Variants in PCSK7 observed in about 807,000 individuals in gnomAD.
PCSK7 encodes lymphoma proprotein convertase.
PCSK7 carries 38 observed loss-of-function variants against 73.3 expected under a neutral mutation model. The ratio of observed to expected loss-of-function variants is 0.52; its 90% CI spans 0.40 to 0.68. PCSK7 has a LOEUF of 0.68. Among genes scored for constraint, PCSK7 ranks in the 30% least tolerant of loss-of-function variants. The probability of loss-of-function intolerance (pLI) is 0.00; values close to 1 mark genes in which losing one functional copy is unlikely to be tolerated. For missense variants in PCSK7, 692 were observed against 991.5 expected, an observed-to-expected ratio of 0.70 and a Z score of 4.06; for synonymous variants, 296 against 383.8, an observed-to-expected ratio of 0.77 and a Z score of 2.68.
chr11:117,227,660 C>T (rs558594785), intron 4 of PCSK7, among the ~76,000 whole-genome samples: 3 of 152,314 alleles, frequency 2.0e-5, no homozygotes, highest in East Asian at 1.9e-4. Flanking sequence ...CCAGGCTGGT[C>T]TCAAACTCCT....
intron 2 of PCSK7, chr11:117,230,106 A>G (rs2032586623): frequency 2.3e-6 from 1 of 442,310 alleles, no homozygotes; most frequent in Non-Finnish European, 4.0e-6. Flanking sequence ...GCCAATCCTC[A>G]CGACACCAGC....
chr11:117,228,814 G>A (rs1036900939), intron 3 of PCSK7, among the ~76,000 whole-genome samples: 1 of 151,966 alleles, frequency 6.6e-6, no homozygotes, highest in East Asian at 1.9e-4. Context: ...TAGAGACAGG[G>A]TTTCACTGTG....
At chr11:117,217,353 G>C (rs531980232) in intron 12 of PCSK7, 26 of 152,364 alleles carry the variant, frequency 1.7e-4, no homozygotes, top group Middle Eastern at 3.4e-3. Flanking sequence ...TCTAAGACAC[G>C]CAAGTGCAAA....
chr11:117,226,166 C>G lies in PCSK7; in HGVS notation c.770-145G>C, dbSNP rs1373863318. ...CTTTTTTTTTTTTTTGAGATAAAGT[C>G]TTACTTGTCACCCAGACTGGAGTGC... On this transcript the variant is annotated intron_variant, in intron 5 of 16. Transcript: ENST00000320934. The G allele has an allele frequency of 8.1e-6, 5 of 615,922 alleles. No homozygotes were observed. The East Asian group carries it at 1.4e-4, about 17-fold the overall frequency. The allele number at this position is 615,922 out of a possible 1,614,324, so 38.2% of individuals were successfully genotyped here. A position where few individuals can be genotyped will look rare whatever the true frequency, so the allele number is the denominator to read the frequency against.
chr11:117,214,392 T>TCAAGGAGG (rs56030714), intron 12 of PCSK7: 42,853 of 151,642 alleles, frequency 0.28, 6,954 homozygotes, highest in African/African-American at 0.45. Flanking sequence ...AGCTGTACTG[T>TCAAGGAGG]CAAGGAGGAT....
intron 12 of PCSK7, chr11:117,210,179 T>C (rs1332962616): frequency 1.3e-5 from 2 of 152,182 alleles, no homozygotes; most frequent in South Asian, 2.1e-4. Flanking sequence ...GGTTTTGATA[T>C]TATACTTTAA....
intron 12 of PCSK7, chr11:117,211,460 C>G (rs1356312428): frequency 6.6e-6 from 1 of 152,234 alleles, no homozygotes; most frequent in Non-Finnish European, 1.5e-5. Flanking sequence ...GCCAATGTCC[C>G]ATTTCTTTGA....
At chr11:117,227,701 A>G (rs1591806416) in intron 4 of PCSK7, among the ~76,000 whole-genome samples, 1 of 152,196 alleles carries the variant, frequency 6.6e-6, no homozygotes, top group African/African-American at 2.4e-5. Flanking sequence ...TTGGCTTCCC[A>G]AAGTGCTGGG....
Position 117,205,613 on chromosome 11 carries a change from G to A in PCSK7, c.*384C>T, listed in dbSNP as rs979588112. The A allele has an allele frequency of 1.3e-4, 31 of 246,606 alleles. No homozygotes were observed. The highest frequency in any genetic ancestry group is 2.4e-3 in the Middle Eastern group (2 of 846). The allele number at this position is 246,606 out of a possible 1,614,324, so 15.3% of individuals were successfully genotyped here. On this transcript the variant is annotated 3_prime_UTR_variant, in exon 17 of 17. Transcript: ENST00000320934. Reference sequence around the variant, plus strand: ...CCTCTTCCCAAGTGACCCCAGTGATGTTTCCATTGAGATGCGCTCCTGGCT... The same window carrying A: ...CCTCTTCCCAAGTGACCCCAGTGATATTTCCATTGAGATGCGCTCCTGGCT...
intron 10 of PCSK7, 80 bp from the exon 11 acceptor site, chr11:117,219,244 C>T: frequency 9.6e-7 from 1 of 1,039,274 alleles, no homozygotes. Context: ...CCCTGCTTGC[C>T]CTGCTGGCTG....
chr11:117,229,489 G>T lies in PCSK7; in HGVS notation c.356C>A (p.Ala119Asp). 6.2e-7 allele frequency: 1 copy of T among 1,612,100 alleles called. No individual in the cohort carries two copies. ...CACAGCTTCATGCCCAGCCAACACA[G>T]CCTCCACCTGCTGCCGGATGGCCTC... ...EVEAIRQQVE[A>D]VLAGHEAVRW... Residue 119 changes from alanine to aspartate, a missense_variant, in exon 3 of 17, where the codon GCT (alanine) becomes GAT (aspartate). Physicochemically the swap from Ala to Asp is moderately radical, Grantham distance 126. Transcript: ENST00000320934.
intron 5 of PCSK7, chr11:117,226,581 G>A (rs928659241): frequency 3.8e-5 from 6 of 158,058 alleles, no homozygotes; most frequent in African/African-American, 1.4e-4. Flanking sequence ...CTTGGACAGG[G>A]TTTCTGGCTC....
chr11:117,227,730 C>T (rs775250014), intron 4 of PCSK7, among the ~76,000 whole-genome samples: 7 of 152,190 alleles, frequency 4.6e-5, no homozygotes, highest in Non-Finnish European at 7.3e-5. Flanking sequence ...CGTGAGCCAC[C>T]GCGCCCGGAC....
chr11:117,223,818 A>G lies in PCSK7; in HGVS notation c.1054+260T>C. 6.5e-6 allele frequency: 3 copies of G among 463,178 alleles called. No individual in the cohort carries two copies. The East Asian group carries it at 1.1e-4, about 17-fold the overall frequency. The allele number at this position is 463,178 out of a possible 1,614,324, so 28.7% of individuals were successfully genotyped here. On this transcript the variant is annotated intron_variant, in intron 8 of 16. Coordinates refer to ENST00000320934, the MANE Select transcript of PCSK7 (RefSeq NM_004716.4). ...GGCAGAAGGTGGCCCACAGAAAGAC[A>G]GGCCAGAGCAGAGGCCTAACCAGCT... is the stretch of plus-strand genomic sequence containing the variant.
At chr11:117,223,962 C>G in intron 8 of PCSK7, 116 bp downstream of exon 8, 1 of 1,096,202 alleles carries the variant, frequency 9.1e-7, no homozygotes, top group Non-Finnish European at 1.4e-6. Flanking sequence ...CTATCTGAGC[C>G]CAAAGAGATT....
intron 3 of PCSK7, 110 bp from the exon 4 acceptor site, chr11:117,228,460 C>A (rs2032514901): frequency 1.1e-6 from 1 of 895,270 alleles, no homozygotes; most frequent in South Asian, 1.5e-5. Flanking sequence ...AAGAGCCAGA[C>A]AGATTGCAGA....
intron 6 of PCSK7, chr11:117,225,208 C>A (rs2032375431): frequency 6.3e-6 from 1 of 157,792 alleles, no homozygotes; most frequent in Admixed American, 6.2e-5. Flanking sequence ...ATTACAGGTG[C>A]CCACCACCAA....
At chr11:117,222,528 T>G (rs2032243476) in intron 9 of PCSK7, 2 of 151,804 alleles carry the variant, frequency 1.3e-5, no homozygotes, top group African/African-American at 2.4e-5. Flanking sequence ...GAATTAGGAG[T>G]TTTTTTTAAG....
intron 12 of PCSK7, chr11:117,214,513 G>A (rs918674930): frequency 6.6e-6 from 1 of 152,316 alleles, no homozygotes; most frequent in African/African-American, 2.4e-5. Flanking sequence ...ATGGAGCCAA[G>A]AAGGCCGCCA....
Sources: allele counts gnomAD v4.1 joint callset (sites outside exome capture counted in the v4.1 genomes callset), GRCh38; gene constraint gnomAD v4.1.1; transcripts MANE v1.5; gene names NCBI Gene and HGNC (gene_info 2026-07-23, HGNC 2026-07-21).